ADARB2: variants seen among roughly 807,000 people sequenced by gnomAD.
ADARB2 encodes inactive double-stranded RNA-specific editase B2.
Under a neutral mutation model 62.2 loss-of-function variants are expected in ADARB2, and 25 were observed. The ratio of observed to expected loss-of-function variants is 0.40; its 90% CI spans 0.29 to 0.56. The LOEUF is 0.56. Among genes scored for constraint, ADARB2 ranks in the 20% least tolerant of loss-of-function variants. The pLI is 0.43. For missense variants in ADARB2, 1,071 were observed against 1,077.4 expected (o/e 0.99, Z 0.08); for synonymous variants, 572 against 500.8 (o/e 1.14, Z -1.90).
intron 1 of ADARB2, among the ~76,000 whole-genome samples, chr10:1,646,914 G>A (rs936715757): frequency 3.3e-5 from 5 of 152,228 alleles, no homozygotes; most frequent in Admixed American, 1.3e-4. Flanking sequence ...CGACCAGCAT[G>A]CAAGAGTTCC....
At chr10:1,337,278 A>T (rs1831983496) in intron 3 of ADARB2, among the ~76,000 whole-genome samples, 1 of 152,220 alleles carries the variant, frequency 6.6e-6, no homozygotes, top group Non-Finnish European at 1.5e-5. Flanking sequence ...ATTCTCACTC[A>T]GGATTTAGAC....
chr10:1,349,663 C>T (rs1832115459), intron 3 of ADARB2, among the ~76,000 whole-genome samples: 1 of 151,846 alleles, frequency 6.6e-6, no homozygotes, highest in African/African-American at 2.4e-5. Flanking sequence ...TCAATCTCTC[C>T]CTTCTCTTAA....
At chr10:1,659,292 C>T (rs1012224733) in intron 1 of ADARB2, among the ~76,000 whole-genome samples, 61 of 152,264 alleles carry the variant, frequency 4.0e-4, no homozygotes, top group African/African-American at 1.4e-3. Context: ...GCTAAATAAA[C>T]GGGGATGGGA....
chr10:1,376,964 G>A (rs1049704133), intron 2 of ADARB2, among the ~76,000 whole-genome samples: 1 of 144,392 alleles, frequency 6.9e-6, no homozygotes, highest in African/African-American at 2.6e-5. Context: ...GTGTGTTTGT[G>A]TGCACCCCTG....
At chr10:1,527,855 C>T (rs770604259) in intron 1 of ADARB2, among the ~76,000 whole-genome samples, 3 of 152,148 alleles carry the variant, frequency 2.0e-5, no homozygotes, top group Non-Finnish European at 4.4e-5. Flanking sequence ...GGGGAGAAGC[C>T]GATGAGGGAT....
At chr10:1,212,088 TG>T (rs1837161631) in intron 7 of ADARB2, among the ~76,000 whole-genome samples, 1 of 152,162 alleles carries the variant, frequency 6.6e-6, no homozygotes, top group Non-Finnish European at 1.5e-5. Context: ...TCCACCTCCA[TG>T]TCCTCAGACT....
chr10:1,214,819 C>T (rs1416912632), intron 7 of ADARB2, among the ~76,000 whole-genome samples: 1 of 152,196 alleles, frequency 6.6e-6, no homozygotes, highest in African/African-American at 2.4e-5. Flanking sequence ...AGCTATTTGT[C>T]GACAATGGGC....
At chr10:1,712,165 A>G (rs1231532066) in intron 1 of ADARB2, among the ~76,000 whole-genome samples, 1 of 152,230 alleles carries the variant, frequency 6.6e-6, no homozygotes, top group Non-Finnish European at 1.5e-5. Context: ...AAATTCGTGC[A>G]GGAAACTTCC....
At chr10:1,352,427 C>G (rs1832152940) in intron 3 of ADARB2, among the ~76,000 whole-genome samples, 1 of 152,204 alleles carries the variant, frequency 6.6e-6, no homozygotes, top group Non-Finnish European at 1.5e-5. Flanking sequence ...TGCCGCCACC[C>G]TAGCTCTCCC....
rs571007745 is a variant in ADARB2, at chr10:1,202,258, G to T, written c.1683-2111C>A. On this transcript the variant is annotated intron_variant, in intron 7 of 9. Transcript: ENST00000381312. ...GCACCTGGTCTTTGTGTGTGTGTGT[G>T]TTTTTTTTAGACAGGGTCTCACTCT... is the stretch of plus-strand genomic sequence containing the variant. Among the ~76,000 whole-genome samples, 22 of 151,808 alleles carry T rather than the reference G, an allele frequency of 1.4e-4. No individual in the cohort carries two copies. In the South Asian group the frequency reaches 2.5e-3, roughly 17 times the overall value.
intron 1 of ADARB2, among the ~76,000 whole-genome samples, chr10:1,590,091 C>T (rs970596486): frequency 2.0e-5 from 3 of 152,190 alleles, no homozygotes; most frequent in African/African-American, 7.2e-5. Flanking sequence ...GGCTTGCTGG[C>T]AGCATCGCCT....
intron 8 of ADARB2, among the ~76,000 whole-genome samples, chr10:1,193,521 G>C (rs537611612): frequency 6.6e-6 from 1 of 152,282 alleles, no homozygotes; most frequent in African/African-American, 2.4e-5. Flanking sequence ...GTAGTAATAT[G>C]CCAGGTTTCA....
chr10:1,289,837 G>A (rs951586578), intron 3 of ADARB2, among the ~76,000 whole-genome samples: 5 of 152,284 alleles, frequency 3.3e-5, no homozygotes, highest in South Asian at 2.1e-4. Flanking sequence ...CACCAGGGAG[G>A]GGCAGGTAGG....
At chr10:1,502,178 G>A (rs1001773786) in intron 1 of ADARB2, among the ~76,000 whole-genome samples, 18 of 152,222 alleles carry the variant, frequency 1.2e-4, no homozygotes, top group African/African-American at 3.9e-4. Flanking sequence ...GAGACTTCTC[G>A]TTCACCAGCC....
At chr10:1,195,970 C>G (rs1380310705) in intron 8 of ADARB2, among the ~76,000 whole-genome samples, 1 of 152,158 alleles carries the variant, frequency 6.6e-6, no homozygotes, top group Non-Finnish European at 1.5e-5. Flanking sequence ...CTGGAATCTT[C>G]CCTTGGTGAG....
intron 1 of ADARB2, among the ~76,000 whole-genome samples, chr10:1,433,092 G>A (rs996765681): frequency 6.6e-6 from 1 of 152,140 alleles, no homozygotes; most frequent in African/African-American, 2.4e-5. Flanking sequence ...TGTCAACTCC[G>A]ATGTAAGCTT....
At chr10:1,633,606 A>G (rs1235510120) in intron 1 of ADARB2, among the ~76,000 whole-genome samples, 2 of 146,412 alleles carry the variant, frequency 1.4e-5, no homozygotes, top group Non-Finnish European at 3.0e-5. Context: ...CTATCTATCT[A>G]TCTATCCCTC....
chr10:1,659,841 T>A (rs75169595), intron 1 of ADARB2, among the ~76,000 whole-genome samples: 61 of 125,826 alleles, frequency 4.8e-4, no homozygotes, highest in South Asian at 1.4e-3. Flanking sequence ...CCCATCATGC[T>A]GCTTCTGGGT....
In ADARB2 at chr10:1,617,205, C is replaced by T. The variant is rs113193550; in HGVS notation, c.100+119846G>A. Among the ~76,000 whole-genome samples, 19 of 136,578 alleles carry T rather than the reference C, an allele frequency of 1.4e-4. No homozygotes were observed. In the East Asian group the frequency reaches 1.5e-3, roughly 11 times the overall value. 89.6% of individuals were successfully genotyped at this position (136,578 alleles called of 152,430 possible). On this transcript the variant is annotated intron_variant, in intron 1 of 9. Coordinates refer to ENST00000381312, the MANE Select transcript of ADARB2 (RefSeq NM_018702.4). ...TTCTGTTGCTAGATGTTTGTGTGCC[C>T]GTCCAGACACACTCCACACCGCCCT...
Sources: gnomAD v4.1 joint callset for allele counts (sites outside exome capture counted in the v4.1 genomes callset) on GRCh38, gnomAD v4.1.1 for gene constraint, MANE v1.5 for transcripts, NCBI Gene and HGNC (gene_info 2026-07-23, HGNC 2026-07-21) for gene names.